The following NEK10 variants were observed in gnomAD, a reference collection of about 807,000 sequenced individuals.
NEK10 encodes NIMA related kinase 10, also known as serine/threonine-protein kinase Nek10.
NEK10 carries 122 observed loss-of-function variants against 159.8 expected under a neutral mutation model. The ratio of observed to expected loss-of-function variants is 0.76; its 90% CI spans 0.66 to 0.89. The LOEUF (loss-of-function observed/expected upper bound fraction) is 0.89. Ranked by LOEUF, NEK10 falls within the 40% of genes least tolerant of loss-of-function variation. The pLI is 0.00. For synonymous variants in NEK10, 466 were observed against 457.1 expected, an observed-to-expected ratio of 1.02 and a Z score of -0.25; for missense variants, 1,342 against 1,323.1, an observed-to-expected ratio of 1.01 and a Z score of -0.22.
chr3:27,304,100 C>T (rs1469215597), intron 12 of NEK10, among the ~76,000 whole-genome samples: 1 of 152,164 alleles, frequency 6.6e-6, no homozygotes, highest in Non-Finnish European at 1.5e-5. Context: ...ACAAAACTAT[C>T]CATTCTCCGT....
chr3:27,183,660 A>G (rs935199261), intron 26 of NEK10, among the ~76,000 whole-genome samples: 1 of 152,090 alleles, frequency 6.6e-6, no homozygotes, highest in Non-Finnish European at 1.5e-5. Context: ...TAGACTATAC[A>G]AAATGTTTGC....
intron 31 of NEK10, among the ~76,000 whole-genome samples, chr3:27,136,895 T>C (rs948624602): frequency 3.9e-5 from 6 of 152,234 alleles, no homozygotes; most frequent in Non-Finnish European, 7.3e-5. Flanking sequence ...TTAGGGCAGC[T>C]ACCAAGTGTT....
rs1474167959 is a variant in NEK10, at chr3:27,177,555, A to AT, written c.2506-2723_2506-2722insA. Among the ~76,000 whole-genome samples the AT allele has an allele frequency of 5.0e-3, 706 of 142,040 alleles. 3 individuals carry two copies. Among genetic ancestry groups the AT allele is most frequent in the African/African-American group, 0.011 (445 of 39,508 alleles). 93.2% of individuals were successfully genotyped at this position (142,040 alleles called of 152,430 possible). ...GCAAGACTCTTGTCTCAAAAAAAAA[A>AT]ATATATATATATTTCTATAACAATC... On this transcript the variant is annotated intron_variant, in intron 26 of 35. Coordinates refer to ENST00000691995, the MANE Select transcript of NEK10 (RefSeq NM_001394966.1).
At chr3:27,172,661 T>C (rs1048402420) in intron 28 of NEK10, among the ~76,000 whole-genome samples, 1 of 152,160 alleles carries the variant, frequency 6.6e-6, no homozygotes, top group Non-Finnish European at 1.5e-5. Context: ...GTGATCAATA[T>C]CTGAATTACC....
intron 23 of NEK10, among the ~76,000 whole-genome samples, chr3:27,217,816 A>C (rs902139930): frequency 6.6e-6 from 1 of 152,212 alleles, no homozygotes; most frequent in Non-Finnish European, 1.5e-5. Flanking sequence ...ATCCAGGGAA[A>C]ATATGTTCTA....
chr3:27,314,279 C>T lies in NEK10; in HGVS notation c.489+18G>A, dbSNP rs760947360. ...CAAAATGAAAAGGCAAGACCAGCCACCACAAAAGGAATCTTACCTGAGCTA... is the reference window on the plus strand; with the variant it reads ...CAAAATGAAAAGGCAAGACCAGCCATCACAAAAGGAATCTTACCTGAGCTA... On this transcript the variant is annotated intron_variant, in intron 7 of 35. Transcript: ENST00000691995. 2.5e-5 allele frequency: 39 copies of T among 1,585,110 alleles called. No homozygotes were observed. In the East Asian group the frequency reaches 6.5e-4, roughly 26 times the overall value.
intron 2 of NEK10, 127 bp from the exon 3 acceptor site, chr3:27,352,652 C>T (rs1211518450): frequency 2.4e-6 from 2 of 833,060 alleles, no homozygotes; most frequent in African/African-American, 1.7e-5. Context: ...ACACACTAAA[C>T]ATTTTCTTTA....
At position 27,136,401 on chromosome 3, in the gene NEK10, C is replaced by T. The variant is rs552441116; in HGVS notation, c.2971-4411G>A. Among the ~76,000 whole-genome samples, 16 of 152,126 alleles carry T rather than the reference C, an allele frequency of 1.1e-4. No homozygotes were observed. The South Asian group carries it at 2.3e-3, about 22-fold the overall frequency. On this transcript the variant is annotated intron_variant, in intron 31 of 35. Coordinates refer to ENST00000691995, the MANE Select transcript of NEK10 (RefSeq NM_001394966.1). ...TTCTGGGATTACAGGCGTGAGCCAC[C>T]GCGCCCGGCCCCAATGTTTAATTTT...
At chr3:27,327,434 T>C (rs1251901801) in intron 5 of NEK10, among the ~76,000 whole-genome samples, 1 of 152,210 alleles carries the variant, frequency 6.6e-6, no homozygotes, top group Non-Finnish European at 1.5e-5. Context: ...GGCAGCGTGA[T>C]CAGCTCCTGC....
chr3:27,175,835 G>A (rs1392114869), intron 26 of NEK10, among the ~76,000 whole-genome samples: 1 of 152,174 alleles, frequency 6.6e-6, no homozygotes, highest in East Asian at 1.9e-4. Flanking sequence ...TGCATTTATT[G>A]AAGGGGAAAG....
At chr3:27,182,558 TGG>T (rs1948227770) in intron 26 of NEK10, among the ~76,000 whole-genome samples, 1 of 151,832 alleles carries the variant, frequency 6.6e-6, no homozygotes, top group African/African-American at 2.4e-5. Context: ...AAACTAAAAA[TGG>T]AAATACCATA....
chr3:27,137,777 A>G (rs868076914), intron 31 of NEK10, among the ~76,000 whole-genome samples: 90 of 152,216 alleles, frequency 5.9e-4, no homozygotes, highest in Non-Finnish European at 1.0e-4. Context: ...AAAGAACACC[A>G]GAGTTTGGAC....
At chr3:27,301,586 T>C (rs1375789073) in intron 13 of NEK10, 110 bp downstream of exon 13, 10 of 817,178 alleles carry the variant, frequency 1.2e-5, no homozygotes, top group Non-Finnish European at 1.9e-5. Flanking sequence ...ACTTTACATT[T>C]TTGTAAACTT....
intron 22 of NEK10, among the ~76,000 whole-genome samples, chr3:27,269,359 C>T (rs1281418290): frequency 6.6e-6 from 1 of 152,156 alleles, no homozygotes; most frequent in Admixed American, 6.6e-5. Flanking sequence ...AAGAGACAAT[C>T]TCTGCAGCAA....
In NEK10 at chr3:27,141,499, T is replaced by C. The variant is rs41487750; in HGVS notation, c.2953A>G (p.Ile985Val). Residue 985 changes from isoleucine (I) to valine (V), a missense_variant, in exon 31 of 36, where the codon ATA (isoleucine) becomes GTA (valine). By Grantham distance (29) the Ile-to-Val change is conservative. Transcript: ENST00000691995. ...ACACTGACCTGTGTGATATAGATTATTTTGTGCAGCTGAATTAATATCTGC... is the reference window on the plus strand; with the variant it reads ...ACACTGACCTGTGTGATATAGATTACTTTGTGCAGCTGAATTAATATCTGC... ...IQQILIQLHK[I>V]IYITQLPPAL... 14,156 of 1,612,760 alleles carry C rather than the reference T, an allele frequency of 8.8e-3. 158 individuals are homozygous for C. Among genetic ancestry groups the C allele is most frequent in the African/African-American group, 0.048 (3,636 of 74,998 alleles).
At chr3:27,197,250 A>T (rs992925293) in intron 25 of NEK10, among the ~76,000 whole-genome samples, 1 of 152,010 alleles carries the variant, frequency 6.6e-6, no homozygotes, top group Non-Finnish European at 1.5e-5. Context: ...ATCTCAGCTC[A>T]TTGCAACCTC....
At chr3:27,132,417 T>C (rs1522155) in intron 31 of NEK10, among the ~76,000 whole-genome samples, 150,509 of 152,298 alleles carry the variant, frequency 0.99, 74,371 homozygotes, top group East Asian at 1. Context: ...GACCAGGAAA[T>C]ACATATCTGC....
At chr3:27,258,082 C>T (rs949235095) in intron 22 of NEK10, among the ~76,000 whole-genome samples, 4 of 151,884 alleles carry the variant, frequency 2.6e-5, no homozygotes, top group African/African-American at 9.7e-5. Context: ...AGGCGTGAGC[C>T]TCCATGCCCG....
intron 29 of NEK10, among the ~76,000 whole-genome samples, chr3:27,169,305 T>TA: frequency 6.6e-6 from 1 of 152,302 alleles, no homozygotes; most frequent in African/African-American, 2.4e-5. Context: ...TGGAATATCT[T>TA]CTAACTCAGA....
Sources: allele counts gnomAD v4.1 joint callset (sites outside exome capture counted in the v4.1 genomes callset), GRCh38; gene constraint gnomAD v4.1.1; transcripts MANE v1.5; gene names NCBI Gene and HGNC (gene_info 2026-07-23, HGNC 2026-07-21).